TRDN: variants seen among roughly 807,000 people sequenced by gnomAD.
The protein encoded by TRDN is triadin.
Under a neutral mutation model 149.7 loss-of-function variants are expected in TRDN, and 161 were observed. That is an observed-to-expected ratio of 1.08 (90% CI 0.95 to 1.23). TRDN has a LOEUF of 1.23. Among genes scored for constraint, TRDN ranks in the 50% most tolerant of loss-of-function variants. The probability of loss-of-function intolerance (pLI) is 0.00; values close to 1 mark genes in which losing one functional copy is unlikely to be tolerated. For missense variants in TRDN, 896 were observed against 823.5 expected (o/e 1.09, Z -1.08); for synonymous variants, 294 against 250.5 (o/e 1.17, Z -1.64).
chr6:123,474,914 G>A (rs372861344), intron 9 of TRDN, among the ~76,000 whole-genome samples: 59 of 152,206 alleles, frequency 3.9e-4, no homozygotes, highest in African/African-American at 1.1e-3. Context: ...TCTCTGGGAC[G>A]CATTCAAAGC....
At chr6:123,581,412 G>A (rs893421574) in intron 1 of TRDN, among the ~76,000 whole-genome samples, 2 of 152,114 alleles carry the variant, frequency 1.3e-5, no homozygotes, top group Admixed American at 6.5e-5. Flanking sequence ...TAGGGATCAA[G>A]TCATCTATCC....
intron 8 of TRDN, chr6:123,502,654 ATT>A: frequency 2.0e-6 from 2 of 984,706 alleles, no homozygotes; most frequent in Non-Finnish European, 2.4e-6. Context: ...GGAAAAATTA[ATT>A]TCAGTTTCAT....
At chr6:123,397,222 G>T (rs1772769622) in intron 12 of TRDN, among the ~76,000 whole-genome samples, 1 of 152,114 alleles carries the variant, frequency 6.6e-6, no homozygotes, top group Non-Finnish European at 1.5e-5. Flanking sequence ...CTGCAGTGAA[G>T]TGGCTGGCCA....
intron 20 of TRDN, among the ~76,000 whole-genome samples, chr6:123,355,955 G>A (rs1014128448): frequency 4.0e-5 from 6 of 151,734 alleles, no homozygotes; most frequent in Non-Finnish European, 8.9e-5. Flanking sequence ...TTCTAAAGCA[G>A]TTATGTTTCA....
chr6:123,587,938 T>A (rs9490822), intron 1 of TRDN, among the ~76,000 whole-genome samples: 5 of 151,878 alleles, frequency 3.3e-5, no homozygotes, highest in African/African-American at 1.2e-4. Flanking sequence ...AGGCAGGAAC[T>A]GTCGATCTGG....
intron 12 of TRDN, among the ~76,000 whole-genome samples, chr6:123,399,051 A>T (rs775120192): frequency 1.2e-4 from 19 of 152,152 alleles, no homozygotes; most frequent in Middle Eastern, 3.2e-3. Context: ...ATTCAGAAAA[A>T]ATTTGATTAT....
chr6:123,307,194 A>C (rs1778643247), intron 24 of TRDN, among the ~76,000 whole-genome samples: 1 of 152,120 alleles, frequency 6.6e-6, no homozygotes, highest in Non-Finnish European at 1.5e-5. Flanking sequence ...AAGATTACCA[A>C]GCAGTACTTC....
chr6:123,578,437 T>C (rs1782959892), intron 1 of TRDN, among the ~76,000 whole-genome samples: 1 of 152,162 alleles, frequency 6.6e-6, no homozygotes, highest in South Asian at 2.1e-4. Context: ...CTTGTTTTTG[T>C]CAGCTTTGTC....
rs9388232 is a variant in TRDN at position 123,375,574 on chromosome 6, T to C, written c.1273+31A>G. ...TTCAAATGAGTAAGCTGCCCAAATA[T>C]GCTCTTCTTTAAAAATTTTGTTCAA... On this transcript the variant is annotated intron_variant, in intron 19 of 40. Transcript: ENST00000334268. The C allele has an allele frequency of 3.6e-4, 554 of 1,521,314 alleles. 6 individuals carry two copies. In the East Asian group the frequency reaches 0.01, roughly 28 times the overall value. The allele number at this position is 1,521,314 out of a possible 1,614,324, so 94.2% of individuals were successfully genotyped here.
intron 38 of TRDN, among the ~76,000 whole-genome samples, chr6:123,231,105 T>G (rs973342435): frequency 6.6e-6 from 1 of 152,014 alleles, no homozygotes; most frequent in Non-Finnish European, 1.5e-5. Flanking sequence ...TTCCTCAACA[T>G]CAAGACCCTC....
At chr6:123,368,233 C>A (rs1234211993) in intron 19 of TRDN, among the ~76,000 whole-genome samples, 1 of 152,146 alleles carries the variant, frequency 6.6e-6, no homozygotes, top group Non-Finnish European at 1.5e-5. Flanking sequence ...CTCCTTGCTT[C>A]CTCCAAACCC....
At chr6:123,528,306 T>C (rs936031749) in intron 5 of TRDN, among the ~76,000 whole-genome samples, 3 of 151,520 alleles carry the variant, frequency 2.0e-5, no homozygotes, top group African/African-American at 7.3e-5. Context: ...GGGTCAATTA[T>C]ATAGGTGTAG....
At chr6:123,545,654 A>T (rs979525854) in intron 4 of TRDN, among the ~76,000 whole-genome samples, 1 of 151,948 alleles carries the variant, frequency 6.6e-6, no homozygotes, top group African/African-American at 2.4e-5. Flanking sequence ...CTTTAAGGAC[A>T]TTAGTGCACA....
At chr6:123,425,724 G>A (rs1774092248) in intron 12 of TRDN, among the ~76,000 whole-genome samples, 1 of 152,098 alleles carries the variant, frequency 6.6e-6, no homozygotes, top group African/African-American at 2.4e-5. Flanking sequence ...TGGTGGAGTT[G>A]AAAGCCTAAG....
rs536600928 is a variant in TRDN at position 123,538,129 on chromosome 6, T to A, written c.425-7564A>T. 1.5e-4 allele frequency among the ~76,000 whole-genome samples: 23 copies of A among 152,308 alleles called. No homozygotes were observed. In the East Asian group the frequency reaches 1.9e-3, roughly 13 times the overall value. On this transcript the variant is annotated intron_variant, in intron 4 of 40. Coordinates refer to ENST00000334268, the MANE Select transcript of TRDN (RefSeq NM_006073.4). ...CTCTTTATTAAATTATTATAAGGGT[T>A]GTGTATTTCAAAGAATGCCTCTCAT...
chr6:123,307,457 A>G (rs760099677), intron 24 of TRDN, among the ~76,000 whole-genome samples: 4 of 152,110 alleles, frequency 2.6e-5, no homozygotes, highest in African/African-American at 2.4e-5. Context: ...TCTACATACA[A>G]GAATATCATT....
intron 10 of TRDN, among the ~76,000 whole-genome samples, chr6:123,451,160 A>C (rs1775744344): frequency 6.6e-6 from 1 of 152,094 alleles, no homozygotes. Flanking sequence ...AAAAAGCAAA[A>C]ATTGACTTCT....
chr6:123,502,748 C>T (rs1778751850), intron 8 of TRDN: 1 of 984,442 alleles, frequency 1.0e-6, no homozygotes, highest in South Asian at 4.7e-5. Context: ...TGATACAGTC[C>T]TTAGATAACA....
At chr6:123,238,942 G>A (rs1002435950) in intron 38 of TRDN, among the ~76,000 whole-genome samples, 1 of 152,138 alleles carries the variant, frequency 6.6e-6, no homozygotes, top group African/African-American at 2.4e-5. Flanking sequence ...CTGGGTTCAA[G>A]CGATTCTCCT....
Sources: gnomAD v4.1 joint callset for allele counts (sites outside exome capture counted in the v4.1 genomes callset) on GRCh38, gnomAD v4.1.1 for gene constraint, MANE v1.5 for transcripts, NCBI Gene and HGNC (gene_info 2026-07-23, HGNC 2026-07-21) for gene names.